The following TCF20 variants were observed in gnomAD, a reference collection of about 807,000 sequenced individuals.
The protein encoded by TCF20 is transcription factor 20.
TCF20 carries 3 observed loss-of-function variants against 148.6 expected under a neutral mutation model. That is an observed-to-expected ratio of 0.02 (90% CI 0.01 to 0.05). TCF20 has a LOEUF of 0.05. Ranked by LOEUF, TCF20 falls within the 10% of genes least tolerant of loss-of-function variation. The pLI is 1.00. For synonymous variants in TCF20, 1,049 were observed against 909.5 expected, an observed-to-expected ratio of 1.15 and a Z score of -2.76; for missense variants, 2,350 against 2,429.3, an observed-to-expected ratio of 0.97 and a Z score of 0.69.
chr22:42,318,085 G>GCCACAGGCCCCAACGGGGCA (rs1024238411), intron 1 of TCF20, among the ~76,000 whole-genome samples: 1 of 152,232 alleles, frequency 6.6e-6, no homozygotes, highest in Admixed American at 6.5e-5. Flanking sequence ...CCTGGCCATG[G>GCCACAGGCCCCAACGGGGCA]CCACAGGCCC....
chr22:42,318,526 C>G (rs988292351), intron 1 of TCF20, among the ~76,000 whole-genome samples: 1 of 152,112 alleles, frequency 6.6e-6, no homozygotes. Context: ...CTCATTAAGA[C>G]GAAGAACAGA....
chr22:42,205,009 T>C (rs1938292077), intron 2 of TCF20, among the ~76,000 whole-genome samples: 1 of 152,172 alleles, frequency 6.6e-6, no homozygotes, highest in African/African-American at 2.4e-5. Flanking sequence ...CCCCCACTAG[T>C]AGGGCTATCC....
chr22:42,258,405 C>A (rs1258847411), intron 1 of TCF20, among the ~76,000 whole-genome samples: 1 of 152,124 alleles, frequency 6.6e-6, no homozygotes, highest in South Asian at 2.1e-4. Flanking sequence ...TTCTTACTAC[C>A]CAACGCCAAT....
intron 2 of TCF20, among the ~76,000 whole-genome samples, chr22:42,186,380 T>TG (rs1937046795): frequency 6.6e-6 from 1 of 152,176 alleles, no homozygotes; most frequent in Non-Finnish European, 1.5e-5. Flanking sequence ...TAAAAGTGTT[T>TG]TACAAACTAG....
At chr22:42,195,564 G>A (rs1363189580) in intron 2 of TCF20, among the ~76,000 whole-genome samples, 3 of 149,380 alleles carry the variant, frequency 2.0e-5, no homozygotes, top group African/African-American at 4.9e-5. Flanking sequence ...GCAATGGCGC[G>A]ATCTCAGCTC....
chr22:42,294,790 C>A (rs1303067992), intron 1 of TCF20, among the ~76,000 whole-genome samples: 15 of 152,224 alleles, frequency 9.9e-5, no homozygotes. Flanking sequence ...ACACACCACG[C>A]CTGGACTGTC....
chr22:42,168,083 G>A (rs1030346502), intron 5 of TCF20, among the ~76,000 whole-genome samples: 2 of 151,916 alleles, frequency 1.3e-5, no homozygotes, highest in African/African-American at 4.8e-5. Context: ...AATCTTTGAG[G>A]ATTTTTCTTT....
chr22:42,306,497 C>T (rs186999504), intron 1 of TCF20, among the ~76,000 whole-genome samples: 7 of 152,350 alleles, frequency 4.6e-5, no homozygotes, highest in Admixed American at 1.3e-4. Flanking sequence ...CCTCCATTAC[C>T]TCTACTTGAC....
chr22:42,239,034 C>T (rs1054688571), intron 1 of TCF20, among the ~76,000 whole-genome samples: 52 of 152,048 alleles, frequency 3.4e-4, no homozygotes, highest in Middle Eastern at 3.4e-3. Flanking sequence ...AGGAGAATGG[C>T]GTGAACGCGG....
Position 42,163,713 on chromosome 22 carries a change from G to A in TCF20, c.*45-2355C>T, listed in dbSNP as rs1462845418. Among the ~76,000 whole-genome samples the A allele has an allele frequency of 3.9e-5, 6 of 152,256 alleles. No homozygotes were observed. The South Asian group carries it at 8.3e-4, about 21-fold the overall frequency. On this transcript the variant is annotated intron_variant, in intron 5 of 5. Coordinates refer to ENST00000677622, the MANE Select transcript of TCF20 (RefSeq NM_001378418.1). ...GTGGCTGAGAGACGGCTGGGTCCCC[G>A]ACAGTGAGCCTGGGAGCAGCCCTGG...
intron 2 of TCF20, among the ~76,000 whole-genome samples, chr22:42,189,681 C>CT (rs1937230283): frequency 6.6e-6 from 1 of 152,178 alleles, no homozygotes; most frequent in Admixed American, 6.5e-5. Context: ...CTAAAACTTG[C>CT]TTTTTAAAAT....
In TCF20 at chr22:42,317,242, C is replaced by T. The variant is rs917315165; in HGVS notation, c.-37+26237G>A. Among the ~76,000 whole-genome samples, 1 of 152,164 alleles carries T rather than the reference C, an allele frequency of 6.6e-6. No homozygotes were observed. The highest frequency in any genetic ancestry group is 6.5e-5 in the Admixed American group (1 of 15,278). On this transcript the variant is annotated intron_variant, in intron 1 of 1. Coordinates refer to the TCF20 transcript ENST00000515426. This position sits in a 1 kb window ranked among gnomAD's most constrained non-coding sequence, Gnocchi z 4.2. ...AATTATCTCATTTAGCCACAGAGCA[C>T]TCCCAGCTTGAATGTCGGAGGTTCA...
chr22:42,331,225 C>T (rs8138069), intron 1 of TCF20, among the ~76,000 whole-genome samples: 7,682 of 152,278 alleles, frequency 0.05, 310 homozygotes, highest in African/African-American at 0.1. Flanking sequence ...CCAGGACACC[C>T]GCCCGCCTGG....
At position 42,242,165 on chromosome 22, in the gene TCF20, C is replaced by T. The variant is rs141283021; in HGVS notation, c.-36-26824G>A. 3.3e-3 allele frequency among the ~76,000 whole-genome samples: 447 copies of T among 135,118 alleles called. 1 individual carries two copies. The highest frequency in any genetic ancestry group is 0.012 in the African/African-American group (415 of 34,980). 88.6% of individuals were successfully genotyped at this position (135,118 alleles called of 152,430 possible). A position where few individuals can be genotyped will look rare whatever the true frequency, so the allele number is the denominator to read the frequency against. ...TTGCAGTGAGCCGAAATCGCACCAC[C>T]GCACTCCAGCCTGGGCGACAGAGCG... On this transcript the variant is annotated intron_variant, in intron 1 of 5. Transcript: ENST00000677622.
At chr22:42,255,406 T>C (rs1235585398) in intron 1 of TCF20, among the ~76,000 whole-genome samples, 1 of 151,892 alleles carries the variant, frequency 6.6e-6, no homozygotes, top group African/African-American at 2.4e-5. Context: ...GGGGCATCAC[T>C]TGAACCCGGG....
rs781351713 is a variant in TCF20 at position 42,212,117 on chromosome 22, A to G, written c.3189T>C (p.Tyr1063=). The change falls in exon 2 of 6, where the codon TAT becomes TAC. Residue 1063 remains tyrosine, a synonymous_variant. Transcript: ENST00000677622. ...AAGCATGAGCCCGAGTATTTGCATG[A>G]TAAGCAGAGGCCAGGGTTTCTGAGT... ...SPNSETLASA[Y]HANTRAHAYG... The G allele has an allele frequency of 3.1e-6, 5 of 1,614,086 alleles. No individual in the cohort carries two copies. The highest frequency in any genetic ancestry group is 2.7e-5 in the African/African-American group (2 of 74,918).
At chr22:42,219,164 G>A (rs549637495) in intron 1 of TCF20, among the ~76,000 whole-genome samples, 10 of 151,234 alleles carry the variant, frequency 6.6e-5, no homozygotes, top group South Asian at 2.1e-4. Context: ...TGTGAGGATC[G>A]CTTGAGGTCA....
chr22:42,197,964 T>C (rs1371250332), intron 2 of TCF20, among the ~76,000 whole-genome samples: 2 of 152,164 alleles, frequency 1.3e-5, no homozygotes, highest in Non-Finnish European at 2.9e-5. Flanking sequence ...CACAAGACAA[T>C]GCCTATCAAA....
chr22:42,257,579 G>A (rs1925807861), intron 1 of TCF20, among the ~76,000 whole-genome samples: 1 of 152,198 alleles, frequency 6.6e-6, no homozygotes, highest in Admixed American at 6.5e-5. Flanking sequence ...CAATGCACTG[G>A]CAGGCAACAA....
Sources: allele counts gnomAD v4.1 joint callset (sites outside exome capture counted in the v4.1 genomes callset), GRCh38; gene constraint gnomAD v4.1.1; non-coding constraint Gnocchi (gnomAD v3.1); transcripts MANE v1.5; gene names NCBI Gene and HGNC (gene_info 2026-07-23, HGNC 2026-07-21).